The following SLC1A3 variants were observed in gnomAD, a reference collection of about 807,000 sequenced individuals.
SLC1A3 encodes the protein excitatory amino acid transporter 1.
Under a neutral mutation model 48.1 loss-of-function variants are expected in SLC1A3, and 21 were observed. The ratio of observed to expected loss-of-function variants is 0.44; its 90% CI spans 0.31 to 0.63. SLC1A3 has a LOEUF of 0.63. SLC1A3 is among the 20% of genes least tolerant of loss of function. The probability of loss-of-function intolerance (pLI) is 0.08; values close to 1 mark genes in which losing one functional copy is unlikely to be tolerated. For synonymous variants in SLC1A3, 239 were observed against 251.4 expected, an observed-to-expected ratio of 0.95 and a Z score of 0.47; for missense variants, 546 against 689.0, an observed-to-expected ratio of 0.79 and a Z score of 2.32.
At chr5:36,643,377 G>T (rs1045529253) in intron 3 of SLC1A3, among the ~76,000 whole-genome samples, 3 of 152,100 alleles carry the variant, frequency 2.0e-5, no homozygotes, top group Admixed American at 6.5e-5. Flanking sequence ...ATTAAATGCT[G>T]TCTCACTGTG....
Position 36,608,409 on chromosome 5 carries a change from C to G in SLC1A3, c.-15C>G. On this transcript the variant is annotated 5_prime_UTR_variant, in exon 2 of 10. Coordinates refer to ENST00000265113, the MANE Select transcript of SLC1A3 (RefSeq NM_004172.5). ...ACTGAAGTGCAAAGAAGAGACCCTC[C>G]TAGAAAAGTAAAATATGACTAAAAG... is the stretch of plus-strand genomic sequence containing the variant. 6.2e-7 allele frequency: 1 copy of G among 1,613,332 alleles called. No homozygotes were observed. The highest frequency in any genetic ancestry group is 8.5e-7 in the Non-Finnish European group (1 of 1,179,562).
chr5:36,598,992 G>C (rs1738774691), intron 1 of SLC1A3, among the ~76,000 whole-genome samples: 1 of 152,082 alleles, frequency 6.6e-6, no homozygotes, highest in South Asian at 2.1e-4. Flanking sequence ...ACAACATGAA[G>C]TCAATATAAG....
At chr5:36,657,086 C>T (rs879677166) in intron 3 of SLC1A3, among the ~76,000 whole-genome samples, 2 of 152,172 alleles carry the variant, frequency 1.3e-5, no homozygotes, top group African/African-American at 4.8e-5. Context: ...GCATTTACAT[C>T]TCTGCCCAAA....
At chr5:36,668,115 C>G (rs371758935) in intron 3 of SLC1A3, 1 of 152,242 alleles carries the variant, frequency 6.6e-6, no homozygotes, top group African/African-American at 2.4e-5. Flanking sequence ...CCTTCCCAAA[C>G]GTTTAGGGCA....
At chr5:36,615,956 G>A (rs893960883) in intron 2 of SLC1A3, among the ~76,000 whole-genome samples, 5 of 152,218 alleles carry the variant, frequency 3.3e-5, no homozygotes, top group African/African-American at 1.2e-4. Context: ...CCAGCACTTT[G>A]GGAGGCCGAG....
chr5:36,660,064 T>G (rs897271582), intron 3 of SLC1A3, among the ~76,000 whole-genome samples: 1 of 152,254 alleles, frequency 6.6e-6, no homozygotes, highest in Non-Finnish European at 1.5e-5. Flanking sequence ...CCCAGTTCTA[T>G]CACTCGCTGT....
At chr5:36,676,517 T>TA (rs1742213508) in intron 5 of SLC1A3, among the ~76,000 whole-genome samples, 1 of 152,190 alleles carries the variant, frequency 6.6e-6, no homozygotes, top group Non-Finnish European at 1.5e-5. Context: ...TTTATGGTTT[T>TA]AAAAAAATCC....
intron 2 of SLC1A3, among the ~76,000 whole-genome samples, chr5:36,619,139 A>G (rs1232500003): frequency 6.6e-6 from 1 of 152,214 alleles, no homozygotes; most frequent in East Asian, 1.9e-4. Context: ...AGGAAATACC[A>G]AAGGACAAAA....
intron 1 of SLC1A3, among the ~76,000 whole-genome samples, chr5:36,600,864 C>T (rs905835458): frequency 6.6e-6 from 1 of 152,220 alleles, no homozygotes; most frequent in Non-Finnish European, 1.5e-5. Context: ...CCCCAGATTA[C>T]TATGATTGCA....
At chr5:36,670,984 T>A (rs1741967074) in intron 3 of SLC1A3, 45 bp from the exon 4 acceptor site, 2 of 1,540,306 alleles carry the variant, frequency 1.3e-6, no homozygotes, top group Non-Finnish European at 1.8e-6. Flanking sequence ...CACTGGAGAA[T>A]TCCCTGGACT....
chr5:36,636,993 C>A (rs1740418606), intron 3 of SLC1A3, among the ~76,000 whole-genome samples: 1 of 152,130 alleles, frequency 6.6e-6, no homozygotes. Flanking sequence ...TTATTTGGCA[C>A]AATTAGGATG....
chr5:36,658,021 C>T (rs1741351899), intron 3 of SLC1A3, among the ~76,000 whole-genome samples: 1 of 152,142 alleles, frequency 6.6e-6, no homozygotes, highest in Admixed American at 6.5e-5. Flanking sequence ...TTTGGGCAGG[C>T]AATGTGCTAA....
intron 2 of SLC1A3, among the ~76,000 whole-genome samples, chr5:36,611,986 A>G (rs991600478): frequency 6.6e-6 from 1 of 152,214 alleles, no homozygotes; most frequent in African/African-American, 2.4e-5. Context: ...AGGAATGCAT[A>G]GAATTGAGTG....
chr5:36,641,869 T>C (rs908099978), intron 3 of SLC1A3, among the ~76,000 whole-genome samples: 8 of 152,208 alleles, frequency 5.3e-5, no homozygotes, highest in Non-Finnish European at 8.8e-5. Context: ...ATAACTCCTA[T>C]GCAATATAAA....
intron 3 of SLC1A3, among the ~76,000 whole-genome samples, chr5:36,663,379 C>CCTTT (rs1741594537): frequency 1.4e-5 from 1 of 70,182 alleles, no homozygotes; most frequent in African/African-American, 5.7e-5. Context: ...CCACGCCCGG[C>CCTTT]ATTTTTTTTT....
chr5:36,612,078 C>T, intron 2 of SLC1A3, among the ~76,000 whole-genome samples: 1 of 148,068 alleles, frequency 6.8e-6, no homozygotes, highest in East Asian at 2.0e-4. Flanking sequence ...CGCACACACA[C>T]ACACACGCAC....
At chr5:36,637,323 G>A (rs1396557895) in intron 3 of SLC1A3, among the ~76,000 whole-genome samples, 3 of 152,212 alleles carry the variant, frequency 2.0e-5, no homozygotes, top group Non-Finnish European at 4.4e-5. Flanking sequence ...AGTGTGGAAA[G>A]ATTTTTGTGG....
intron 2 of SLC1A3, among the ~76,000 whole-genome samples, chr5:36,611,826 A>C (rs1204993582): frequency 2.4e-5 from 1 of 41,450 alleles, no homozygotes; most frequent in Non-Finnish European, 4.2e-5. Context: ...GCTGAAAGAA[A>C]GGAAAAGTCT....
At chr5:36,643,602 T>C (rs1237612734) in intron 3 of SLC1A3, among the ~76,000 whole-genome samples, 2 of 152,208 alleles carry the variant, frequency 1.3e-5, no homozygotes, top group African/African-American at 4.8e-5. Flanking sequence ...GGGATTACTG[T>C]ACCACTTGTC....
Sources: gnomAD v4.1 joint callset for allele counts (sites outside exome capture counted in the v4.1 genomes callset) on GRCh38, gnomAD v4.1.1 for gene constraint, MANE v1.5 for transcripts, NCBI Gene and HGNC (gene_info 2026-07-23, HGNC 2026-07-21) for gene names.